The following LTBP1 variants were observed in gnomAD, a reference collection of about 807,000 sequenced individuals.
LTBP1 encodes latent-transforming growth factor beta-binding protein 1.
In LTBP1, 129 loss-of-function variants were observed where a neutral mutation model predicts 207.6. The ratio of observed to expected loss-of-function variants is 0.62; its 90% CI spans 0.54 to 0.72. The LOEUF (loss-of-function observed/expected upper bound fraction) is 0.72, where lower values mean the gene tolerates loss of function less well. LTBP1 is among the 30% of genes least tolerant of loss of function. The pLI, the probability that LTBP1 is intolerant of heterozygous loss-of-function variation, is 0.00. For missense variants in LTBP1, 2,281 were observed against 2,217.2 expected (o/e 1.03, Z -0.58); for synonymous variants, 963 against 833.7 (o/e 1.16, Z -2.67).
Position 33,175,245 on chromosome 2 carries a change from T to C in LTBP1, c.1202-11611T>C, listed in dbSNP as rs1267931898. Among the ~76,000 whole-genome samples the C allele has an allele frequency of 5.3e-5, 8 of 151,456 alleles. No individual in the cohort carries two copies. The East Asian group carries it at 5.8e-4, about 11-fold the overall frequency. ...AACCTACAAAATGGGAGAAAATTTT[T>C]GCAACCTACTCATCTGACAAAGGGC... On this transcript the variant is annotated intron_variant, in intron 5 of 33. Transcript: ENST00000404816.
chr2:33,190,623 A>T (rs755209750), intron 7 of LTBP1, among the ~76,000 whole-genome samples: 1 of 152,224 alleles, frequency 6.6e-6, no homozygotes, highest in Non-Finnish European at 1.5e-5. Context: ...TGTGGGGCTC[A>T]TGAGACTTTG....
chr2:33,315,479 C>T (rs2149257623), intron 24 of LTBP1, among the ~76,000 whole-genome samples: 1 of 152,302 alleles, frequency 6.6e-6, no homozygotes, highest in East Asian at 1.9e-4. Flanking sequence ...ATGATAAAAA[C>T]ACTCACAGAT....
At chr2:33,141,037 G>A (rs56885475) in intron 5 of LTBP1, among the ~76,000 whole-genome samples, 88,116 of 152,152 alleles carry the variant, frequency 0.58, 25,633 homozygotes, top group East Asian at 0.67. Flanking sequence ...TTCATTTAAC[G>A]TGCATTTATT....
At chr2:33,383,179 C>A (rs1166537178) in intron 31 of LTBP1, among the ~76,000 whole-genome samples, 1 of 152,196 alleles carries the variant, frequency 6.6e-6, no homozygotes, top group Non-Finnish European at 1.5e-5. Flanking sequence ...CATACTGAAA[C>A]CCCGTCTCTA....
At position 32,963,504 on chromosome 2, in the gene LTBP1, C is replaced by G. The variant is rs140334929; in HGVS notation, c.565+14559C>G. Among the ~76,000 whole-genome samples, 747 of 152,212 alleles carry G rather than the reference C, an allele frequency of 4.9e-3. 10 individuals are homozygous for G. Among genetic ancestry groups the G allele is most frequent in the African/African-American group, 0.017 (723 of 41,518 alleles). ...GGGATTACAGGTGTGAGCCACTGCA[C>G]CTGACCACCATGCACATTAATACAC... is the stretch of plus-strand genomic sequence containing the variant. On this transcript the variant is annotated intron_variant, in intron 2 of 33. Transcript: ENST00000404816.
intron 24 of LTBP1, among the ~76,000 whole-genome samples, chr2:33,324,340 C>A (rs1416129885): frequency 6.6e-6 from 1 of 151,506 alleles, no homozygotes; most frequent in Non-Finnish European, 1.5e-5. Context: ...ACTATTAATT[C>A]TTACTGTGCC....
At chr2:33,047,885 T>C (rs2076526578) in intron 3 of LTBP1, among the ~76,000 whole-genome samples, 1 of 152,196 alleles carries the variant, frequency 6.6e-6, no homozygotes, top group Non-Finnish European at 1.5e-5. Context: ...TCTTTGTCTT[T>C]TTTGATCTTT....
At chr2:33,110,019 G>T (rs747761617) in intron 3 of LTBP1, among the ~76,000 whole-genome samples, 1 of 152,076 alleles carries the variant, frequency 6.6e-6, no homozygotes, top group Non-Finnish European at 1.5e-5. Flanking sequence ...TACTTTCTTC[G>T]CTATTTCCCC....
At chr2:33,129,490 A>C (rs1182913881) in intron 4 of LTBP1, among the ~76,000 whole-genome samples, 2 of 152,242 alleles carry the variant, frequency 1.3e-5, no homozygotes, top group Non-Finnish European at 2.9e-5. Flanking sequence ...TAAAGTTAGA[A>C]GTTTCCATCA....
At position 33,019,989 on chromosome 2, in the gene LTBP1, C is replaced by G. The variant is rs187835266; in HGVS notation, c.566-920C>G. Among the ~76,000 whole-genome samples the G allele has an allele frequency of 3.3e-5, 5 of 151,650 alleles. No individual in the cohort carries two copies. In the East Asian group the frequency reaches 9.7e-4, roughly 30 times the overall value. On this transcript the variant is annotated intron_variant, in intron 2 of 33. Transcript: ENST00000404816. The stretch of plus-strand genomic sequence containing the variant: ...ATGACCTCCTAAAGTGATGGGCTTA[C>G]AGGCGTGAGCCACTGTGCCTGGACT...
chr2:33,000,865 T>TTCAAACAC (rs1256993345), intron 2 of LTBP1, among the ~76,000 whole-genome samples: 1 of 128,356 alleles, frequency 7.8e-6, no homozygotes, highest in Non-Finnish European at 1.7e-5. Context: ...GGAGGGGGGG[T>TTCAAACAC]TCAAACACTC....
At chr2:33,179,487 G>A (rs2086407450) in intron 5 of LTBP1, among the ~76,000 whole-genome samples, 1 of 151,806 alleles carries the variant, frequency 6.6e-6, no homozygotes, top group South Asian at 2.1e-4. Flanking sequence ...CTCACTGATG[G>A]GGAGTGTTGG....
At chr2:33,228,696 C>CTTTTTT in intron 9 of LTBP1, among the ~76,000 whole-genome samples, 1 of 117,716 alleles carries the variant, frequency 8.5e-6, no homozygotes, top group African/African-American at 3.4e-5. Flanking sequence ...AGGGTTATAC[C>CTTTTTT]CTTTTTTTTT....
At chr2:33,264,248 T>C (rs2093110067) in intron 15 of LTBP1, among the ~76,000 whole-genome samples, 1 of 129,658 alleles carries the variant, frequency 7.7e-6, no homozygotes, top group Admixed American at 8.2e-5. Context: ...AGAGCGAGAC[T>C]CTGTCTCAAA....
intron 24 of LTBP1, among the ~76,000 whole-genome samples, chr2:33,318,243 G>C (rs560760282): frequency 2.6e-5 from 4 of 152,196 alleles, no homozygotes; most frequent in African/African-American, 9.7e-5. Flanking sequence ...AGCTGGGAGA[G>C]GAAGGAGAAA....
chr2:32,983,978 G>C (rs561041909), intron 2 of LTBP1, among the ~76,000 whole-genome samples: 4 of 152,296 alleles, frequency 2.6e-5, no homozygotes, highest in African/African-American at 9.6e-5. Flanking sequence ...AAACTGTACT[G>C]CATAATTTTC....
chr2:33,184,107 A>G (rs2086935843), intron 5 of LTBP1, among the ~76,000 whole-genome samples: 2 of 151,930 alleles, frequency 1.3e-5, no homozygotes, highest in South Asian at 4.2e-4. Flanking sequence ...CATCATCCTA[A>G]TTATATGTTT....
intron 3 of LTBP1, among the ~76,000 whole-genome samples, chr2:33,103,507 TA>T (rs1186441173): frequency 2.0e-5 from 3 of 152,094 alleles, no homozygotes; most frequent in Non-Finnish European, 4.4e-5. Flanking sequence ...AGCAGCCTGT[TA>T]CCTCCTAATT....
intron 31 of LTBP1, among the ~76,000 whole-genome samples, chr2:33,373,499 G>A (rs1218326167): frequency 1.3e-5 from 2 of 152,186 alleles, no homozygotes; most frequent in Non-Finnish European, 2.9e-5. Context: ...TTGAGTCAAA[G>A]CAATGTCAGT....
Sources: gnomAD v4.1 joint callset for allele counts (sites outside exome capture counted in the v4.1 genomes callset) on GRCh38, gnomAD v4.1.1 for gene constraint, MANE v1.5 for transcripts, NCBI Gene and HGNC (gene_info 2026-07-23, HGNC 2026-07-21) for gene names.